PIP5K1B: variants seen among roughly 807,000 people sequenced by gnomAD.
PIP5K1B encodes the protein phosphatidylinositol-4-phosphate 5-kinase type 1 beta, also known as phosphatidylinositol 4-phosphate 5-kinase type-1 beta.
PIP5K1B carries 42 observed loss-of-function variants against 67.0 expected under a neutral mutation model. That is an observed-to-expected ratio of 0.63 (90% confidence interval 0.49 to 0.81). The LOEUF (loss-of-function observed/expected upper bound fraction) is 0.81, where lower values mean the gene tolerates loss of function less well. PIP5K1B is among the 30% of genes least tolerant of loss of function. The pLI is 0.00. For missense variants in PIP5K1B, 459 were observed against 646.3 expected (o/e 0.71, Z 3.14); for synonymous variants, 214 against 231.4 (o/e 0.92, Z 0.68).
At chr9:68,841,289 T>C (rs1431223211) in intron 4 of PIP5K1B, among the ~76,000 whole-genome samples, 1 of 152,226 alleles carries the variant, frequency 6.6e-6, no homozygotes, top group African/African-American at 2.4e-5. Flanking sequence ...GAACAGAATT[T>C]TCAAAATCAA....
intron 2 of PIP5K1B, among the ~76,000 whole-genome samples, chr9:68,749,816 G>C (rs1475634421): frequency 6.6e-6 from 1 of 152,094 alleles, no homozygotes; most frequent in Non-Finnish European, 1.5e-5. Flanking sequence ...CTTCCCCCTA[G>C]TTACAACAAC....
chr9:68,732,256 G>A (rs1235535436), intron 1 of PIP5K1B, among the ~76,000 whole-genome samples: 1 of 152,214 alleles, frequency 6.6e-6, no homozygotes, highest in Non-Finnish European at 1.5e-5. Context: ...TTGCTTGCGG[G>A]AGGAAGGGTC....
rs1415990765 is a variant in PIP5K1B at position 68,754,295 on chromosome 9, A to G, written c.-86+11638A>G. Reference sequence around the variant, plus strand: ...CGCCATTCTCCTGCCTCAGCCTCCCAAGTAGCTGGGACTACAGGCGCCCGC... The same window carrying G: ...CGCCATTCTCCTGCCTCAGCCTCCCGAGTAGCTGGGACTACAGGCGCCCGC... On this transcript the variant is annotated intron_variant, in intron 2 of 15. Coordinates refer to ENST00000265382, the MANE Select transcript of PIP5K1B (RefSeq NM_003558.4). 5.4e-5 allele frequency among the ~76,000 whole-genome samples: 8 copies of G among 149,200 alleles called. No homozygotes were observed. The East Asian group carries it at 1.6e-3, about 30-fold the overall frequency.
chr9:68,989,273 A>G (rs1830253577), intron 14 of PIP5K1B, among the ~76,000 whole-genome samples: 1 of 152,098 alleles, frequency 6.6e-6, no homozygotes, highest in Admixed American at 6.5e-5. Context: ...CAGAGATTAT[A>G]ATGTCCTCAG....
At chr9:68,784,415 T>A (rs1252401703) in intron 2 of PIP5K1B, 1 of 167,044 alleles carries the variant, frequency 6.0e-6, no homozygotes, top group Non-Finnish European at 1.5e-5. Flanking sequence ...TCATTAAAGA[T>A]CATTAACTCC....
At chr9:68,773,137 C>A (rs115982523) in intron 2 of PIP5K1B, among the ~76,000 whole-genome samples, 157 of 152,276 alleles carry the variant, frequency 1.0e-3, no homozygotes, top group African/African-American at 3.7e-3. Context: ...CAAACACCCA[C>A]CCAGCTGAAA....
chr9:68,999,628 T>C (rs1830731580), intron 15 of PIP5K1B, among the ~76,000 whole-genome samples: 1 of 151,974 alleles, frequency 6.6e-6, no homozygotes, highest in Non-Finnish European at 1.5e-5. Flanking sequence ...ACAGGGTCCT[T>C]CAGCTCTGAG....
chr9:68,878,186 C>A (rs1433201259), intron 6 of PIP5K1B, among the ~76,000 whole-genome samples: 1 of 152,178 alleles, frequency 6.6e-6, no homozygotes, highest in Admixed American at 6.5e-5. Context: ...TCTTCTGCCA[C>A]ACACTCAAAT....
intron 2 of PIP5K1B, among the ~76,000 whole-genome samples, chr9:68,754,072 G>A (rs943189320): frequency 6.6e-6 from 1 of 151,510 alleles, no homozygotes; most frequent in Admixed American, 6.6e-5. Context: ...GCATTTCTGC[G>A]TTTATTTAAG....
At chr9:68,717,833 T>A (rs1303101246) in intron 1 of PIP5K1B, among the ~76,000 whole-genome samples, 3 of 152,164 alleles carry the variant, frequency 2.0e-5, no homozygotes, top group Non-Finnish European at 4.4e-5. Flanking sequence ...ATAATACATA[T>A]AACAGAAATA....
chr9:68,790,403 A>G (rs891676253), intron 2 of PIP5K1B, among the ~76,000 whole-genome samples: 1 of 152,250 alleles, frequency 6.6e-6, no homozygotes. Flanking sequence ...ACAAACCATC[A>G]AAAACCACAG....
chr9:68,840,266 A>G (rs561374046), intron 4 of PIP5K1B, among the ~76,000 whole-genome samples: 66 of 152,212 alleles, frequency 4.3e-4, no homozygotes, highest in Middle Eastern at 6.8e-3. Flanking sequence ...AATCCCAGCT[A>G]CTTGGGAGGC....
intron 1 of PIP5K1B, among the ~76,000 whole-genome samples, chr9:68,724,167 A>C (rs1315087955): frequency 1.3e-5 from 2 of 151,778 alleles, no homozygotes; most frequent in East Asian, 3.9e-4. Flanking sequence ...CTTTGTTGAA[A>C]ATGGGTTGGC....
chr9:68,900,481 ATAAGT>A (rs1197175695), intron 8 of PIP5K1B, among the ~76,000 whole-genome samples: 1 of 152,212 alleles, frequency 6.6e-6, no homozygotes, highest in African/African-American at 2.4e-5. Context: ...TTTCTCTGAT[ATAAGT>A]TATCTATGTA....
intron 2 of PIP5K1B, among the ~76,000 whole-genome samples, chr9:68,799,294 T>G (rs939243494): frequency 6.6e-6 from 1 of 152,240 alleles, no homozygotes; most frequent in Non-Finnish European, 1.5e-5. Context: ...CATCAGTGAC[T>G]AATTTTAGGG....
chr9:68,994,037 A>ATTTTT lies in PIP5K1B; in HGVS notation c.1620+2796_1620+2800dup, dbSNP rs67700788. On this transcript the variant is annotated intron_variant, in intron 15 of 15. Coordinates refer to ENST00000265382, the MANE Select transcript of PIP5K1B (RefSeq NM_003558.4). ...AAATTCTTTCACTGTTTTTTCCTGAATTTTTTTTTTTTTTTTTTTTGAGAT... is the reference window on the plus strand; with the variant it reads ...AAATTCTTTCACTGTTTTTTCCTGAATTTTTTTTTTTTTTTTTTTTTTTTTGAGAT... 2.7e-3 allele frequency among the ~76,000 whole-genome samples: 321 copies of ATTTTT among 118,464 alleles called. 2 individuals carry two copies. Among genetic ancestry groups the ATTTTT allele is most frequent in the Non-Finnish European group, 3.8e-3 (222 of 59,020 alleles). 77.7% of individuals were successfully genotyped at this position (118,464 alleles called of 152,430 possible). A position where few individuals can be genotyped will look rare whatever the true frequency, so the allele number is the denominator to read the frequency against.
intron 2 of PIP5K1B, among the ~76,000 whole-genome samples, chr9:68,792,703 T>G (rs1203801493): frequency 6.6e-6 from 1 of 152,078 alleles, no homozygotes; most frequent in Non-Finnish European, 1.5e-5. Flanking sequence ...ATGGTCTCGA[T>G]CTCCTGACCT....
intron 2 of PIP5K1B, among the ~76,000 whole-genome samples, chr9:68,769,748 T>C (rs1369006049): frequency 6.6e-6 from 1 of 152,230 alleles, no homozygotes; most frequent in Non-Finnish European, 1.5e-5. Flanking sequence ...GGGGAAAGAA[T>C]GAATGTTTAA....
At chr9:68,905,716 T>A (rs778337911) in intron 8 of PIP5K1B, among the ~76,000 whole-genome samples, 4 of 152,170 alleles carry the variant, frequency 2.6e-5, no homozygotes, top group Non-Finnish European at 5.9e-5. Context: ...AAAATCAGTT[T>A]GATTTTATAG....
Sources: gnomAD v4.1 joint callset for allele counts (sites outside exome capture counted in the v4.1 genomes callset) on GRCh38, gnomAD v4.1.1 for gene constraint, MANE v1.5 for transcripts, NCBI Gene and HGNC (gene_info 2026-07-23, HGNC 2026-07-21) for gene names.